Variants in ARK2C observed in about 807,000 individuals in gnomAD.
The protein encoded by ARK2C is arkadia (RNF111) C-terminal like ring finger ubiquitin ligase 2C.
the ARK2C span, among the ~76,000 whole-genome samples, chr18:46,418,868 T>C: frequency 0.049 from 7,475 of 152,300 alleles, 625 homozygotes; most frequent in African/African-American, 0.17. Flanking sequence ...ACCTCCGTGG[T>C]TTTCCATTCT....
the ARK2C span, among the ~76,000 whole-genome samples, chr18:46,368,637 A>C: frequency 6.6e-6 from 1 of 152,226 alleles, no homozygotes; most frequent in Non-Finnish European, 1.5e-5. Flanking sequence ...AATCAGTTGC[A>C]CAAGGCACCA....
the ARK2C span, among the ~76,000 whole-genome samples, chr18:46,415,146 T>C: frequency 1.3e-5 from 2 of 152,152 alleles, no homozygotes; most frequent in African/African-American, 4.8e-5. Flanking sequence ...CAGGCCTACA[T>C]GACCTCTGCC....
the ARK2C span, among the ~76,000 whole-genome samples, chr18:46,424,008 T>G: frequency 1.3e-5 from 2 of 152,208 alleles, no homozygotes; most frequent in African/African-American, 4.8e-5. Flanking sequence ...TATTCCCTTC[T>G]AAGAACAAAG....
chr18:46,460,585 C>T, the ARK2C span: 1 of 151,956 alleles, frequency 6.6e-6, no homozygotes, highest in Non-Finnish European at 1.5e-5. Flanking sequence ...CTCCTATTAC[C>T]TCATTTTGGC....
chr18:46,448,250 C>A, the ARK2C span, among the ~76,000 whole-genome samples: 671 of 151,204 alleles, frequency 4.4e-3, 6 homozygotes, highest in African/African-American at 0.016. Flanking sequence ...ACACCCCATG[C>A]CCTGACTCCC....
the ARK2C span, among the ~76,000 whole-genome samples, chr18:46,351,261 C>T: frequency 1.3e-5 from 2 of 152,216 alleles, no homozygotes; most frequent in South Asian, 4.1e-4. Flanking sequence ...GTCACCACCT[C>T]TGTGAGTGGA....
At chr18:46,416,905 C>T in the ARK2C span, among the ~76,000 whole-genome samples, 45 of 152,298 alleles carry the variant, frequency 3.0e-4, no homozygotes, top group Middle Eastern at 6.8e-3. Flanking sequence ...AAGCCAGTCA[C>T]GTGGCCATGC....
chr18:46,337,277 G>A, the ARK2C span: 2 of 985,268 alleles, frequency 2.0e-6, no homozygotes, highest in East Asian at 2.3e-4. Context: ...TTAAACAGGG[G>A]TAGCGTGTTC....
the ARK2C span, among the ~76,000 whole-genome samples, chr18:46,427,780 G>A: frequency 6.6e-6 from 1 of 152,238 alleles, no homozygotes; most frequent in Non-Finnish European, 1.5e-5. Flanking sequence ...GCCTGGTGGG[G>A]GCGGCCAGTG....
the ARK2C span, among the ~76,000 whole-genome samples, chr18:46,348,453 T>C: frequency 6.6e-6 from 1 of 152,158 alleles, no homozygotes; most frequent in Admixed American, 6.5e-5. Context: ...AGCTAAGGGC[T>C]GAGGGTACAA....
At chr18:46,402,709 CA>C in the ARK2C span, among the ~76,000 whole-genome samples, 1 of 152,260 alleles carries the variant, frequency 6.6e-6, no homozygotes, top group South Asian at 2.1e-4. Flanking sequence ...CCATGTTGCC[CA>C]AACTGATCTC....
the ARK2C span, among the ~76,000 whole-genome samples, chr18:46,409,722 T>A: frequency 6.6e-6 from 1 of 152,170 alleles, no homozygotes; most frequent in African/African-American, 2.4e-5. Flanking sequence ...GCTCCCCTTT[T>A]GTAAAAGGGA....
At chr18:46,409,896 A>G in the ARK2C span, among the ~76,000 whole-genome samples, 6 of 152,194 alleles carry the variant, frequency 3.9e-5, no homozygotes, top group African/African-American at 9.7e-5. Context: ...CTTACCAGCC[A>G]TAGAGCACAT....
the ARK2C span, among the ~76,000 whole-genome samples, chr18:46,368,279 G>A: frequency 2.0e-5 from 3 of 152,262 alleles, no homozygotes; most frequent in Admixed American, 6.5e-5. Flanking sequence ...GGCTTGGGAC[G>A]TGGAGGCCTA....
chr18:46,440,168 C>T, the ARK2C span, among the ~76,000 whole-genome samples: 14 of 152,144 alleles, frequency 9.2e-5, no homozygotes, highest in South Asian at 4.2e-4. Context: ...CTCGCTTCCC[C>T]GGTCCTGATA....
the ARK2C span, among the ~76,000 whole-genome samples, chr18:46,430,828 G>T: frequency 6.6e-6 from 1 of 152,082 alleles, no homozygotes; most frequent in South Asian, 2.1e-4. Context: ...TTTTCCTGAG[G>T]GTATGGATTA....
the ARK2C span, among the ~76,000 whole-genome samples, chr18:46,355,251 C>A: frequency 0.36 from 54,724 of 151,752 alleles, 11,108 homozygotes; most frequent in Non-Finnish European, 0.46. Context: ...CCGGGCCCGG[C>A]CTGTTTTAAT....
chr18:46,411,002 G>A, the ARK2C span, among the ~76,000 whole-genome samples: 1 of 152,238 alleles, frequency 6.6e-6, no homozygotes, highest in Non-Finnish European at 1.5e-5. Flanking sequence ...CCACTCTGGG[G>A]AAGTTGCTGA....
the ARK2C span, among the ~76,000 whole-genome samples, chr18:46,341,526 T>C: frequency 6.6e-6 from 1 of 152,218 alleles, no homozygotes; most frequent in Admixed American, 6.5e-5. Context: ...GAGTTTAGTG[T>C]ACAGATAAGC....
Sources: gnomAD v4.1 joint callset for allele counts (sites outside exome capture counted in the v4.1 genomes callset) on GRCh38, gnomAD v4.1.1 for gene constraint, MANE v1.5 for transcripts, NCBI Gene and HGNC (gene_info 2026-07-23, HGNC 2026-07-21) for gene names.